Variants in GRK5 observed in about 807,000 individuals in gnomAD.
GRK5 encodes the protein g protein-coupled receptor kinase GRK5.
GRK5 carries 40 observed loss-of-function variants against 78.4 expected under a neutral mutation model. That is an observed-to-expected ratio of 0.51 (90% confidence interval 0.40 to 0.66). The LOEUF (loss-of-function observed/expected upper bound fraction) is 0.66, where lower values mean the gene tolerates loss of function less well. Among genes scored for constraint, GRK5 ranks in the 30% least tolerant of loss-of-function variants. The pLI is 0.00. For missense variants in GRK5, 598 were observed against 759.9 expected (o/e 0.79, Z 2.50); for synonymous variants, 289 against 296.8 (o/e 0.97, Z 0.27).
At chr10:119,429,434 A>G (rs1423311330) in intron 6 of GRK5, among the ~76,000 whole-genome samples, 2 of 151,568 alleles carry the variant, frequency 1.3e-5, no homozygotes, top group Non-Finnish European at 2.9e-5. Flanking sequence ...TTAGTCTTGG[A>G]GAGCCAAGAG....
chr10:119,341,465 G>A (rs1372073237), intron 2 of GRK5, among the ~76,000 whole-genome samples: 1 of 152,120 alleles, frequency 6.6e-6, no homozygotes, highest in Non-Finnish European at 1.5e-5. Flanking sequence ...TCCCTCTGCT[G>A]GATACACTTC....
chr10:119,442,784 C>G (rs750860716), intron 11 of GRK5, among the ~76,000 whole-genome samples: 13 of 152,328 alleles, frequency 8.5e-5, no homozygotes, highest in Non-Finnish European at 1.5e-4. Context: ...CTAGAGGGTC[C>G]TTTTCAGATT....
Position 119,366,900 on chromosome 10 carries a change from AGCTCTGCCTCTT to A in GRK5, c.149-13911_149-13900del, listed in dbSNP as rs1851459210. 1.3e-5 allele frequency among the ~76,000 whole-genome samples: 2 copies of A among 152,194 alleles called. 1 individual carries two copies. The highest frequency in any genetic ancestry group is 4.1e-4 in the South Asian group (2 of 4,832). On this transcript the variant is annotated intron_variant, in intron 2 of 15. Coordinates refer to ENST00000392870, the MANE Select transcript of GRK5 (RefSeq NM_005308.3). ...TCAGCAAGAGCTGAGTTCACATCCC[AGCTCTGCCTCTT>A]GCTAGCCTGTGACCTTGTGCCATTT...
intron 2 of GRK5, among the ~76,000 whole-genome samples, chr10:119,337,900 G>C (rs754578171): frequency 1.6e-4 from 25 of 152,134 alleles, no homozygotes; most frequent in Non-Finnish European, 2.8e-4. Flanking sequence ...GGGAGTACAG[G>C]CGTGAGCCAC....
At chr10:119,394,225 G>GGTGGGTGTGAGTATCCGTGTGTCTGT (rs1851949123) in intron 3 of GRK5, among the ~76,000 whole-genome samples, 5 of 16,992 alleles carry the variant, frequency 2.9e-4, no homozygotes, top group East Asian at 8.7e-4. Flanking sequence ...GGTACGTGTG[G>GGTGGGTGTGAGTATCCGTGTGTCTGT]GTGTGGGTGT....
At chr10:119,329,374 G>A (rs1320233675) in intron 2 of GRK5, among the ~76,000 whole-genome samples, 5 of 152,144 alleles carry the variant, frequency 3.3e-5, no homozygotes, top group South Asian at 4.1e-4. Flanking sequence ...TTTGAAAGCC[G>A]GGAGAGAAGA....
At chr10:119,380,434 A>G (rs568425341) in intron 2 of GRK5, among the ~76,000 whole-genome samples, 2 of 152,354 alleles carry the variant, frequency 1.3e-5, no homozygotes, top group African/African-American at 4.8e-5. Context: ...GGGAGTCTGC[A>G]GTCCACTCTG....
intron 2 of GRK5, among the ~76,000 whole-genome samples, chr10:119,368,449 C>T (rs771143222): frequency 6.6e-5 from 10 of 152,316 alleles, no homozygotes; most frequent in South Asian, 2.1e-4. Context: ...GGGGCTCTGA[C>T]GCTGGAGAAA....
rs10578557 is a variant in GRK5 at position 119,411,842 on chromosome 10, C to CTTTTTTTTTTTTTTTTTTTTTTTTTTTT, written c.340-11298_340-11297insTTTTTTTTTTTTTTTTTTTTTTTTTTTT. 2.1e-5 allele frequency among the ~76,000 whole-genome samples: 2 copies of CTTTTTTTTTTTTTTTTTTTTTTTTTTTT among 95,986 alleles called. 1 individual carries two copies. Among genetic ancestry groups the CTTTTTTTTTTTTTTTTTTTTTTTTTTTT allele is most frequent in the Non-Finnish European group, 4.2e-5 (2 of 47,858 alleles). 63.0% of individuals were successfully genotyped at this position (95,986 alleles called of 152,430 possible). A position where few individuals can be genotyped will look rare whatever the true frequency, so the allele number is the denominator to read the frequency against. ...CCTCAGCTTCATTGCAGATCTGCTT[C>CTTTTTTTTTTTTTTTTTTTTTTTTTTTT]TTTTTTTTTTTTTTTTTTTTTTTTT... On this transcript the variant is annotated intron_variant, in intron 4 of 15. Coordinates refer to ENST00000392870, the MANE Select transcript of GRK5 (RefSeq NM_005308.3).
chr10:119,209,249 C>T (rs1263218964), intron 1 of GRK5, among the ~76,000 whole-genome samples: 1 of 152,166 alleles, frequency 6.6e-6, no homozygotes, highest in Non-Finnish European at 1.5e-5. Flanking sequence ...TTCAGCAACT[C>T]AACCCGGCAT....
At chr10:119,254,522 G>A (rs933134268) in intron 1 of GRK5, among the ~76,000 whole-genome samples, 1 of 152,140 alleles carries the variant, frequency 6.6e-6, no homozygotes, top group Non-Finnish European at 1.5e-5. Context: ...ACCGTGCATG[G>A]GATTTGTAGC....
intron 2 of GRK5, among the ~76,000 whole-genome samples, chr10:119,356,872 A>G (rs555424130): frequency 1.3e-5 from 2 of 152,384 alleles, no homozygotes; most frequent in East Asian, 1.9e-4. Context: ...CAAAACTGAT[A>G]AAACGATAAA....
intron 4 of GRK5, among the ~76,000 whole-genome samples, chr10:119,418,976 A>G (rs1751993806): frequency 6.6e-6 from 1 of 152,208 alleles, no homozygotes; most frequent in Non-Finnish European, 1.5e-5. Flanking sequence ...ACCCCTGACC[A>G]TCAGCTCCAT....
chr10:119,369,921 C>T (rs765043554), intron 2 of GRK5, among the ~76,000 whole-genome samples: 1 of 152,158 alleles, frequency 6.6e-6, no homozygotes, highest in African/African-American at 2.4e-5. Flanking sequence ...CTCCGTTTAC[C>T]CAGCCAGTTC....
chr10:119,316,035 T>C (rs1850481484), intron 1 of GRK5, among the ~76,000 whole-genome samples: 1 of 152,218 alleles, frequency 6.6e-6, no homozygotes, highest in Admixed American at 6.5e-5. Context: ...TGCCCCTCGC[T>C]ACCCCATGTC....
intron 2 of GRK5, among the ~76,000 whole-genome samples, chr10:119,367,326 C>T (rs182593565): frequency 3.3e-5 from 5 of 152,286 alleles, no homozygotes; most frequent in East Asian, 3.9e-4. Context: ...TTGGTGAGCT[C>T]GTGTGCCTGT....
rs1848599439 is a variant in GRK5 at position 119,217,829 on chromosome 10, CTGACAG to C, written c.52+9863_52+9868del. Among the ~76,000 whole-genome samples the C allele has an allele frequency of 6.6e-6, 1 of 152,222 alleles. No homozygotes were observed. Among genetic ancestry groups the C allele is most frequent in the African/African-American group, 2.4e-5 (1 of 41,448 alleles). On this transcript the variant is annotated intron_variant, in intron 1 of 15. Coordinates refer to ENST00000392870, the MANE Select transcript of GRK5 (RefSeq NM_005308.3). The surrounding 1 kb of genome is among the most constrained non-coding windows in gnomAD (Gnocchi z 4.1). Reference sequence around the variant, plus strand: ...GGTTCTCGCCCTCAGTTACCTCTGCCTGACAGTGGTACCTTATGTGCAGGCTCAGGT... The same window carrying C: ...GGTTCTCGCCCTCAGTTACCTCTGCCTGGTACCTTATGTGCAGGCTCAGGT...
In GRK5 at chr10:119,430,419, G is replaced by A; in HGVS notation, c.578G>A (p.Gly193Glu). 6.2e-7 allele frequency: 1 copy of A among 1,611,698 alleles called. No individual in the cohort carries two copies. The highest frequency in any genetic ancestry group is 8.5e-7 in the Non-Finnish European group (1 of 1,179,288). The change falls in exon 7 of 16, where the codon GGA becomes GAA. Residue 193 changes from glycine to glutamate, a missense_variant. By Grantham distance (98) the Gly-to-Glu change is moderately conservative (BLOSUM62 -2). Coordinates refer to ENST00000392870, the MANE Select transcript of GRK5 (RefSeq NM_005308.3). This position sits in a 1 kb window ranked among gnomAD's most constrained non-coding sequence, Gnocchi z 4.5. ...ACTTTCAGGCAGTATCGAGTGCTAG[G>A]AAAAGGGGGCTTCGGGGAGGTGAGT... Reference protein sequence around the residue: ...KNTFRQYRVLGKGGFGEVCAC... With the variant: ...KNTFRQYRVLEKGGFGEVCAC...
intron 2 of GRK5, among the ~76,000 whole-genome samples, chr10:119,360,493 C>T (rs879688415): frequency 5.2e-4 from 64 of 122,428 alleles, no homozygotes; most frequent in South Asian, 8.7e-4. Flanking sequence ...GGAGCCTGTG[C>T]GAGAGGGAGG....
Sources: allele counts gnomAD v4.1 joint callset (sites outside exome capture counted in the v4.1 genomes callset), GRCh38; gene constraint gnomAD v4.1.1; non-coding constraint Gnocchi (gnomAD v3.1); transcripts MANE v1.5; gene names NCBI Gene and HGNC (gene_info 2026-07-23, HGNC 2026-07-21).